Variants in PCDH10 observed in about 807,000 individuals in gnomAD.
The protein encoded by PCDH10 is protocadherin-10.
A neutral mutation model predicts 74.4 loss-of-function variants in PCDH10; 15 were observed. The observed-to-expected ratio is 0.20, with a 90% confidence interval of 0.13 to 0.31. The LOEUF is 0.31. Among genes scored for constraint, PCDH10 ranks in the 10% least tolerant of loss-of-function variants. The probability of loss-of-function intolerance (pLI) is 1.00; values close to 1 mark genes in which losing one functional copy is unlikely to be tolerated. For synonymous variants in PCDH10, 619 were observed against 589.8 expected, an observed-to-expected ratio of 1.05 and a Z score of -0.72; for missense variants, 1,260 against 1,390.2, an observed-to-expected ratio of 0.91 and a Z score of 1.49.
At chr4:133,197,823 T>C (rs1369305709), downstream of PCDH10, among the ~76,000 whole-genome samples, 1 of 152,112 alleles carries the variant, frequency 6.6e-6, no homozygotes, top group African/African-American at 2.4e-5. Flanking sequence ...AGAAAAGAAG[T>C]GTTGGCATGG....
intron 4 of PCDH10, among the ~76,000 whole-genome samples, chr4:133,171,662 T>A (rs1727205881): frequency 6.6e-6 from 1 of 152,152 alleles, no homozygotes. Context: ...ATTTGAATGG[T>A]AGGAATAAGT....
intron 3 of PCDH10, among the ~76,000 whole-genome samples, chr4:133,162,497 TATC>T (rs1395440090): frequency 6.6e-6 from 1 of 152,198 alleles, no homozygotes; most frequent in Non-Finnish European, 1.5e-5. Flanking sequence ...ATAATCTAAA[TATC>T]ATTTTTGGTG....
intron 4 of PCDH10, among the ~76,000 whole-genome samples, chr4:133,170,810 A>G (rs12499191): frequency 0.051 from 6,905 of 136,482 alleles, 372 homozygotes; most frequent in East Asian, 0.27. Context: ...TTCCTGCATC[A>G]GCCTCCCGAG....
At chr4:133,181,287 G>GT (rs1044030146) in intron 4 of PCDH10, among the ~76,000 whole-genome samples, 3 of 151,542 alleles carry the variant, frequency 2.0e-5, no homozygotes, top group African/African-American at 4.8e-5. Flanking sequence ...AGATAACTTA[G>GT]TTTTTTTTAT....
chr4:133,183,295 A>G (rs1727459632), intron 4 of PCDH10, among the ~76,000 whole-genome samples: 1 of 152,124 alleles, frequency 6.6e-6, no homozygotes, highest in African/African-American at 2.4e-5. Flanking sequence ...TCCTGGTGAA[A>G]CAGTTGTAAA....
intron 4 of PCDH10, among the ~76,000 whole-genome samples, chr4:133,175,487 T>G (rs1255540778): frequency 6.6e-6 from 1 of 152,152 alleles, no homozygotes; most frequent in East Asian, 1.9e-4. Flanking sequence ...AGGAAAATGC[T>G]TATGTTTCAT....
At chr4:133,186,176 TAA>T (rs1727538463) in intron 4 of PCDH10, among the ~76,000 whole-genome samples, 1 of 152,134 alleles carries the variant, frequency 6.6e-6, no homozygotes, top group Non-Finnish European at 1.5e-5. Context: ...ATATCTATGC[TAA>T]GTTATCAGAA....
rs139480751 is a variant in PCDH10 at position 133,205,894 on chromosome 4, G to T, written n.438-2182G>T. On this transcript the variant is annotated intron_variant and non_coding_transcript_variant, in intron 2 of 2. Coordinates refer to the PCDH10 transcript ENST00000511112. ...AATTTTATCCAATATATTGATGACA[G>T]TTTATTTTTCATTTTATTTTTTCCG... Among the ~76,000 whole-genome samples the T allele has an allele frequency of 8.3e-3, 1,264 of 152,112 alleles. 18 individuals carry two copies. Among genetic ancestry groups the T allele is most frequent in the African/African-American group, 0.029 (1,203 of 41,488 alleles).
intron 2 of PCDH10, among the ~76,000 whole-genome samples, chr4:133,200,028 G>A (rs1038307244): frequency 2.0e-5 from 3 of 151,382 alleles, no homozygotes; most frequent in Non-Finnish European, 4.4e-5. Context: ...TCGATCTCCT[G>A]ACCTCGTGAT....
At chr4:133,180,083 C>T (rs996972994) in intron 4 of PCDH10, among the ~76,000 whole-genome samples, 3 of 151,980 alleles carry the variant, frequency 2.0e-5, no homozygotes, top group African/African-American at 7.2e-5. Flanking sequence ...CCTAACTATA[C>T]TAGTTATTTT....
intron 2 of PCDH10, among the ~76,000 whole-genome samples, chr4:133,202,305 A>G (rs1313823377): frequency 6.6e-6 from 1 of 152,164 alleles, no homozygotes; most frequent in African/African-American, 2.4e-5. Context: ...TCTATTTGCC[A>G]GTTAGTAGCT....
In PCDH10 at chr4:133,191,491, A is replaced by C. The variant is rs1240768021; in HGVS notation, c.*1331A>C. Reference sequence around the variant, plus strand: ...TGTAGTCAGTGTTTGATTAATGAAAAAATTCTTCATGAGTCAGCCTTCAAA... The same window carrying C: ...TGTAGTCAGTGTTTGATTAATGAAACAATTCTTCATGAGTCAGCCTTCAAA... On this transcript the variant is annotated 3_prime_UTR_variant, in exon 5 of 5. Coordinates refer to ENST00000264360, the MANE Select transcript of PCDH10 (RefSeq NM_032961.3). The C allele has an allele frequency of 6.6e-6, 1 of 152,190 alleles. No individual in the cohort carries two copies. Among genetic ancestry groups the C allele is most frequent in the Non-Finnish European group, 1.5e-5 (1 of 67,778 alleles). The allele number at this position is 152,190 out of a possible 1,614,324, so 9.4% of individuals were successfully genotyped here.
intron 4 of PCDH10, among the ~76,000 whole-genome samples, chr4:133,172,607 A>T (rs1300853891): frequency 6.6e-6 from 1 of 152,036 alleles, no homozygotes; most frequent in Non-Finnish European, 1.5e-5. Flanking sequence ...GCCCACTTAC[A>T]GTTACTACCA....
Position 133,151,562 on chromosome 4 carries a change from A to T in PCDH10, c.1422A>T (p.Glu474Asp). The change falls in exon 1 of 5, where the codon GAA becomes GAT. Residue 474 changes from glutamate (E) to aspartate (D), a missense_variant. Coordinates refer to ENST00000264360, the MANE Select transcript of PCDH10 (RefSeq NM_032961.3). ...CGGTCTACGACGTGTATGTGACTGA[A>T]AACAACGTGCCTGGCGCCTACATCT... ...SQPVYDVYVTENNVPGAYIYA... is the reference protein window; with the variant it reads ...SQPVYDVYVTDNNVPGAYIYA... The T allele has an allele frequency of 6.2e-7, 1 of 1,613,986 alleles. No individual in the cohort carries two copies. Among genetic ancestry groups the T allele is most frequent in the Non-Finnish European group, 8.5e-7 (1 of 1,180,006 alleles).
In PCDH10 at chr4:133,152,472, C is replaced by G. The variant is rs758699020; in HGVS notation, c.2332C>G (p.Arg778Gly). 3 of 1,614,096 alleles carry G rather than the reference C, an allele frequency of 1.9e-6. No homozygotes were observed. The highest frequency in any genetic ancestry group is 1.7e-6 in the Non-Finnish European group (2 of 1,180,008). ...STCCGRQARA[R>G]KKKLSKSDIM... is the part of the protein sequence containing the mutation. ...CTGCTGTGGCCGCCAAGCCCGGGCG[C>G]GCAAGAAGAAACTCAGCAAGTCAGA... is the stretch of plus-strand genomic sequence containing the variant. The change falls in exon 1 of 5, where the codon CGC becomes GGC. Residue 778 changes from arginine (R) to glycine (G), a missense_variant. Physicochemically the swap from Arg to Gly is moderately radical, Grantham distance 125. Around this residue, in one of 11 missense-constraint regions of PCDH10, gnomAD observed 587 missense variants for 616.9 expected, o/e 0.95. Coordinates refer to ENST00000264360, the MANE Select transcript of PCDH10 (RefSeq NM_032961.3).
intron 4 of PCDH10, among the ~76,000 whole-genome samples, chr4:133,176,243 C>T (rs912610036): frequency 4.3e-4 from 66 of 152,108 alleles, no homozygotes; most frequent in African/African-American, 1.5e-3. Flanking sequence ...GTGAAGAGCA[C>T]GAGTTATGGG....
At chr4:133,170,576 A>G (rs1260310716) in intron 4 of PCDH10, among the ~76,000 whole-genome samples, 4 of 152,334 alleles carry the variant, frequency 2.6e-5, no homozygotes, top group South Asian at 2.1e-4. Flanking sequence ...TATGTGCAAC[A>G]TAGGAGTCAA....
chr4:133,159,238 AT>A (rs1252076608), intron 3 of PCDH10, among the ~76,000 whole-genome samples: 2 of 152,094 alleles, frequency 1.3e-5, no homozygotes, highest in African/African-American at 4.8e-5. Context: ...GAATTCTAAA[AT>A]TTTTGAAATC....
chr4:133,199,787 C>CTATTATCAT (rs1727866129), intron 2 of PCDH10, among the ~76,000 whole-genome samples: 1 of 135,706 alleles, frequency 7.4e-6, no homozygotes, highest in Non-Finnish European at 1.5e-5. Flanking sequence ...ATTATTATTA[C>CTATTATCAT]TATTATTATT....
Sources: gnomAD v4.1 joint callset for allele counts (sites outside exome capture counted in the v4.1 genomes callset) on GRCh38, gnomAD v4.1.1 for gene constraint, gnomAD v4.1.1 regional missense constraint, MANE v1.5 for transcripts, NCBI Gene and HGNC (gene_info 2026-07-23, HGNC 2026-07-21) for gene names.